Variants in FSBP observed in about 807,000 individuals in gnomAD.
The protein encoded by FSBP is fibrinogen silencer binding protein, also known as fibrinogen silencer-binding protein.
Under a neutral mutation model 24.6 loss-of-function variants are expected in FSBP, and 18 were observed. The ratio of observed to expected loss-of-function variants is 0.73; its 90% CI spans 0.51 to 1.08. FSBP has a LOEUF of 1.08. Among genes scored for constraint, FSBP ranks in the 50% least tolerant of loss-of-function variants. The probability of loss-of-function intolerance (pLI) is 0.00; values close to 1 mark genes in which losing one functional copy is unlikely to be tolerated. For missense variants in FSBP, 305 were observed against 347.6 expected, an observed-to-expected ratio of 0.88 and a Z score of 0.98; for synonymous variants, 110 against 125.8, an observed-to-expected ratio of 0.87 and a Z score of 0.84.
intron 1 of FSBP, 81 bp from the exon 2 acceptor site, chr8:94,432,737 GTACAT>G: frequency 7.4e-7 from 1 of 1,358,018 alleles, no homozygotes; most frequent in Non-Finnish European, 9.5e-7. Context: ...TTAATTTAAT[GTACAT>G]TAAATGATAA....
In FSBP at chr8:94,432,048, G is replaced by A. The variant is rs960541067; in HGVS notation, c.*83C>T. 18 of 1,440,052 alleles carry A rather than the reference G, an allele frequency of 1.2e-5. No homozygotes were observed. Among genetic ancestry groups the A allele is most frequent in the South Asian group, 1.1e-4 (7 of 62,886 alleles). The allele number at this position is 1,440,052 out of a possible 1,614,324, so 89.2% of individuals were successfully genotyped here. ...GAGATTAACAACATTTTTCAAGAAC[G>A]TGTATTCTGTTTCAGGATATTCCCA... On this transcript the variant is annotated 3_prime_UTR_variant, in exon 2 of 2. Transcript: ENST00000481490.
chr8:94,429,376 AAAG>A lies in FSBP; in HGVS notation c.*2752_*2754del, dbSNP rs1359212811. ...TTAGAACCTAACCACCAAAAATAAA[AAAG>A]ATGTATACTGCACTTTTTTTTAACA... On this transcript the variant is annotated 3_prime_UTR_variant, in exon 2 of 2. Coordinates refer to ENST00000481490, the MANE Select transcript of FSBP (RefSeq NM_001256141.2). The A allele has an allele frequency of 2.8e-6, 2 of 702,828 alleles. No homozygotes were observed. The highest frequency in any genetic ancestry group is 3.5e-6 in the Non-Finnish European group (2 of 572,444). 43.5% of individuals were successfully genotyped at this position (702,828 alleles called of 1,614,324 possible).
chr8:94,430,068 C>G lies in FSBP; in HGVS notation c.*2063G>C. 1.0e-6 allele frequency: 1 copy of G among 957,824 alleles called. No homozygotes were observed. Among genetic ancestry groups the G allele is most frequent in the Non-Finnish European group, 1.2e-6 (1 of 804,958 alleles). The allele number at this position is 957,824 out of a possible 1,614,324, so 59.3% of individuals were successfully genotyped here. ...GTGGCTCAAGCCTGTAATCCCAGCACTTTGGGAGGCCGAGGCGGGCAGATC... is the reference window on the plus strand; with the variant it reads ...GTGGCTCAAGCCTGTAATCCCAGCAGTTTGGGAGGCCGAGGCGGGCAGATC... On this transcript the variant is annotated 3_prime_UTR_variant, in exon 2 of 2. Transcript: ENST00000481490.
In FSBP at chr8:94,432,028, T is replaced by C. The variant is rs1257071865; in HGVS notation, c.*103A>G. ...TAAAAAGTTTTTCCATAATAGAGATTAACAACATTTTTCAAGAACGTGTAT... is the reference window on the plus strand; with the variant it reads ...TAAAAAGTTTTTCCATAATAGAGATCAACAACATTTTTCAAGAACGTGTAT... On this transcript the variant is annotated 3_prime_UTR_variant, in exon 2 of 2. Transcript: ENST00000481490. 7.2e-7 allele frequency: 1 copy of C among 1,392,458 alleles called. No individual in the cohort carries two copies. Among genetic ancestry groups the C allele is most frequent in the Non-Finnish European group, 9.3e-7 (1 of 1,075,582 alleles). The allele number at this position is 1,392,458 out of a possible 1,614,324, so 86.3% of individuals were successfully genotyped here.
At position 94,428,355 on chromosome 8, in the gene FSBP, T is replaced by C. The variant is rs1226240625; in HGVS notation, c.*3776A>G. 1 of 978,954 alleles carries C rather than the reference T, an allele frequency of 1.0e-6. No individual in the cohort carries two copies. The highest frequency in any genetic ancestry group is 1.2e-6 in the Non-Finnish European group (1 of 824,040). The allele number at this position is 978,954 out of a possible 1,614,324, so 60.6% of individuals were successfully genotyped here. On this transcript the variant is annotated 3_prime_UTR_variant, in exon 2 of 2. Transcript: ENST00000481490. ...CAAGATGTCTGGTGGCTTAAGTGTA[T>C]AGTCATCCCTCAGTATCCAAGGGGG...
chr8:94,434,803 A>G (rs574203743), intron 1 of FSBP, among the ~76,000 whole-genome samples: 2 of 151,806 alleles, frequency 1.3e-5, no homozygotes, highest in South Asian at 2.1e-4. Context: ...TTTAAAACCT[A>G]ACAAATTGGT....
rs965254253 is a variant in FSBP, at chr8:94,428,123, G to A, written c.*4008C>T. On this transcript the variant is annotated 3_prime_UTR_variant, in exon 2 of 2. Transcript: ENST00000481490. The stretch of plus-strand genomic sequence containing the variant: ...ATATCCATTACATTCATATGGATAA[G>A]AGAAAGATAGGAAAGTGGCTATCCA... 4 of 907,310 alleles carry A rather than the reference G, an allele frequency of 4.4e-6. No individual in the cohort carries two copies. The African/African-American group carries it at 7.2e-5, about 16-fold the overall frequency. The allele number at this position is 907,310 out of a possible 1,614,324, so 56.2% of individuals were successfully genotyped here.
chr8:94,434,349 G>GA (rs745455323), intron 1 of FSBP, among the ~76,000 whole-genome samples: 21 of 151,394 alleles, frequency 1.4e-4, no homozygotes, highest in Non-Finnish European at 2.5e-4. Context: ...TAAAAAGGGA[G>GA]AAAAAAAGCT....
At position 94,430,124 on chromosome 8, in the gene FSBP, T is replaced by C. The variant is rs974059661; in HGVS notation, c.*2007A>G. 3 of 733,252 alleles carry C rather than the reference T, an allele frequency of 4.1e-6. No homozygotes were observed. The highest frequency in any genetic ancestry group is 5.0e-6 in the Non-Finnish European group (3 of 600,420). 45.4% of individuals were successfully genotyped at this position (733,252 alleles called of 1,614,324 possible). A position where few individuals can be genotyped will look rare whatever the true frequency, so the allele number is the denominator to read the frequency against. On this transcript the variant is annotated 3_prime_UTR_variant, in exon 2 of 2. Coordinates refer to ENST00000481490, the MANE Select transcript of FSBP (RefSeq NM_001256141.2). ...GTCAGGAGATCAAGACCATCCTGGC[T>C]AACACAGTGAAACCCCGTCTCTACT... is the stretch of plus-strand genomic sequence containing the variant.
At position 94,432,555 on chromosome 8, in the gene FSBP, T is replaced by C; in HGVS notation, c.476A>G (p.Asp159Gly). The change falls in exon 2 of 2, where the codon GAC becomes GGC. Residue 159 changes from aspartate (D) to glycine (G), a missense_variant. Asp to Gly is a moderately conservative substitution (Grantham distance 94). Transcript: ENST00000481490. Reference protein sequence around the residue: ...AITVEVKQEEDIKPPPPLVLN... With the variant: ...AITVEVKQEEGIKPPPPLVLN... The stretch of plus-strand genomic sequence containing the variant: ...AACCAGTGGAGGAGGTGGTTTAATG[T>C]CTTCTTCTTGCTTCACCTCCACTGT... 1 of 1,550,396 alleles carries C rather than the reference T, an allele frequency of 6.4e-7. No individual in the cohort carries two copies. The highest frequency in any genetic ancestry group is 8.7e-7 in the Non-Finnish European group (1 of 1,146,766).
chr8:94,430,193 C>T lies in FSBP; in HGVS notation c.*1938G>A. On this transcript the variant is annotated 3_prime_UTR_variant, in exon 2 of 2. Transcript: ENST00000481490. The stretch of plus-strand genomic sequence containing the variant: ...CCAGGCATGGTGGTGCGCCTGTAGT[C>T]CCAGCTACTTGGGAAGCTGAAGCAG... The T allele has an allele frequency of 1.6e-6, 1 of 628,484 alleles. No individual in the cohort carries two copies. The highest frequency in any genetic ancestry group is 7.1e-5 in the South Asian group (1 of 14,172). 38.9% of individuals were successfully genotyped at this position (628,484 alleles called of 1,614,324 possible). A position where few individuals can be genotyped will look rare whatever the true frequency, so the allele number is the denominator to read the frequency against.
intron 1 of FSBP, among the ~76,000 whole-genome samples, chr8:94,436,100 A>G (rs1812251166): frequency 6.6e-6 from 1 of 152,146 alleles, no homozygotes. Context: ...TGCTAACTTT[A>G]TATAAATTTT....
Position 94,430,987 on chromosome 8 carries a change from T to C in FSBP, c.*1144A>G. On this transcript the variant is annotated 3_prime_UTR_variant, in exon 2 of 2. Transcript: ENST00000481490. ...TTGTCTTTTTTCCAGCGTCTCACTC[T>C]TGACTTCAAACACCCATGGTCCCCT... 1.0e-6 allele frequency: 1 copy of C among 985,366 alleles called. No homozygotes were observed. The highest frequency in any genetic ancestry group is 1.2e-6 in the Non-Finnish European group (1 of 829,914). The allele number at this position is 985,366 out of a possible 1,614,324, so 61.0% of individuals were successfully genotyped here.
rs1358502949 is a variant in FSBP, at chr8:94,428,229, C to T, written c.*3902G>A. 4 of 885,604 alleles carry T rather than the reference C, an allele frequency of 4.5e-6. No individual in the cohort carries two copies. In the African/African-American group the frequency reaches 7.3e-5, roughly 16 times the overall value. 54.9% of individuals were successfully genotyped at this position (885,604 alleles called of 1,614,324 possible). On this transcript the variant is annotated 3_prime_UTR_variant, in exon 2 of 2. Transcript: ENST00000481490. Reference sequence around the variant, plus strand: ...CAAATGTAGTATATTTCTACAGAATCAAGTCTACATTTAAAAAACAAAATC... The same window carrying T: ...CAAATGTAGTATATTTCTACAGAATTAAGTCTACATTTAAAAAACAAAATC...
chr8:94,430,571 T>G lies in FSBP; in HGVS notation c.*1560A>C. The stretch of plus-strand genomic sequence containing the variant: ...AATTCACTTGGAAATGGATTTACAT[T>G]TCTAACAAGTTCTCAAGTGATGCTG... On this transcript the variant is annotated 3_prime_UTR_variant, in exon 2 of 2. Transcript: ENST00000481490. 1 of 666,244 alleles carries G rather than the reference T, an allele frequency of 1.5e-6. No individual in the cohort carries two copies. Among genetic ancestry groups the G allele is most frequent in the Non-Finnish European group, 1.9e-6 (1 of 539,148 alleles). The allele number at this position is 666,244 out of a possible 1,614,324, so 41.3% of individuals were successfully genotyped here.
chr8:94,431,937 C>A lies in FSBP; in HGVS notation c.*194G>T. On this transcript the variant is annotated 3_prime_UTR_variant, in exon 2 of 2. Coordinates refer to ENST00000481490, the MANE Select transcript of FSBP (RefSeq NM_001256141.2). ...GAAAAAAAAAAGAAGACAATAAAAA[C>A]TATAACCATGCCAACCAACCAGTAA... The A allele has an allele frequency of 4.8e-6, 6 of 1,245,564 alleles. No individual in the cohort carries two copies. Among genetic ancestry groups the A allele is most frequent in the Non-Finnish European group, 6.1e-6 (6 of 985,500 alleles). The allele number at this position is 1,245,564 out of a possible 1,614,324, so 77.2% of individuals were successfully genotyped here.
rs978559543 is a variant in FSBP, at chr8:94,436,892, A to C, written c.-24T>G. 2 of 1,490,170 alleles carry C rather than the reference A, an allele frequency of 1.3e-6. No individual in the cohort carries two copies. The highest frequency in any genetic ancestry group is 2.8e-5 in the African/African-American group (2 of 70,868). 92.3% of individuals were successfully genotyped at this position (1,490,170 alleles called of 1,614,324 possible). A position where few individuals can be genotyped will look rare whatever the true frequency, so the allele number is the denominator to read the frequency against. On this transcript the variant is annotated 5_prime_UTR_variant, in exon 1 of 2. Coordinates refer to ENST00000481490, the MANE Select transcript of FSBP (RefSeq NM_001256141.2). The stretch of plus-strand genomic sequence containing the variant: ...ATTGTTCTTTTCAAATTAAGTAGGC[A>C]GTTTCTGAAACCACCATGCAGCCTT...
At chr8:94,433,478 T>A (rs947806545) in intron 1 of FSBP, among the ~76,000 whole-genome samples, 1 of 152,056 alleles carries the variant, frequency 6.6e-6, no homozygotes, top group Admixed American at 6.6e-5. Flanking sequence ...TAATGAAACA[T>A]TTTTAATGGC....
Position 94,432,543 on chromosome 8 carries a change from G to C in FSBP, c.488C>G (p.Pro163Arg), listed in dbSNP as rs759615455. The C allele has an allele frequency of 1.9e-6, 3 of 1,550,546 alleles. No homozygotes were observed. Among genetic ancestry groups the C allele is most frequent in the South Asian group, 2.4e-5 (2 of 84,050 alleles). ...EVKQEEDIKP[P>R]PPLVLNSQQS... is the part of the protein sequence containing the mutation. Reference sequence around the variant, plus strand: ...TTGAGAATTTAAAACCAGTGGAGGAGGTGGTTTAATGTCTTCTTCTTGCTT... The same window carrying C: ...TTGAGAATTTAAAACCAGTGGAGGACGTGGTTTAATGTCTTCTTCTTGCTT... Residue 163 changes from proline (P) to arginine (R), a missense_variant, in exon 2 of 2, where the codon CCT (proline) becomes CGT (arginine). Coordinates refer to ENST00000481490, the MANE Select transcript of FSBP (RefSeq NM_001256141.2).
Sources: gnomAD v4.1 joint callset for allele counts (sites outside exome capture counted in the v4.1 genomes callset) on GRCh38, gnomAD v4.1.1 for gene constraint, MANE v1.5 for transcripts, NCBI Gene and HGNC (gene_info 2026-07-23, HGNC 2026-07-21) for gene names.